Variants in TMEM108 observed in about 807,000 individuals in gnomAD.
TMEM108 encodes the protein cancer/testis antigen 124.
In TMEM108, 12 loss-of-function variants were observed where a neutral mutation model predicts 35.1. That is an observed-to-expected ratio of 0.34 (90% CI 0.22 to 0.55). The LOEUF is 0.55. TMEM108 is among the 20% of genes least tolerant of loss of function. The pLI is 0.89. For synonymous variants in TMEM108, 287 were observed against 308.6 expected (o/e 0.93, Z 0.73); for missense variants, 680 against 753.3 (o/e 0.90, Z 1.14).
chr3:133,252,431 A>C, intron 3 of TMEM108, among the ~76,000 whole-genome samples: 1 of 152,164 alleles, frequency 6.6e-6, no homozygotes, highest in East Asian at 1.9e-4. Context: ...AACTAGGAAA[A>C]CAATAGCATT....
intron 3 of TMEM108, among the ~76,000 whole-genome samples, chr3:133,366,936 T>TA (rs1484449231): frequency 6.6e-6 from 1 of 152,222 alleles, no homozygotes; most frequent in Non-Finnish European, 1.5e-5. Context: ...GGGACTCACA[T>TA]ACAGAGGAGT....
At position 133,338,322 on chromosome 3, in the gene TMEM108, A is replaced by G. The variant is rs149996605; in HGVS notation, c.41-41430A>G. 7.2e-5 allele frequency among the ~76,000 whole-genome samples: 11 copies of G among 152,314 alleles called. 1 individual carries two copies. The East Asian group carries it at 2.1e-3, about 29-fold the overall frequency. On this transcript the variant is annotated intron_variant, in intron 3 of 5. Transcript: ENST00000321871. ...ATGCTAAAAGCAGCAAGAGAAAAGA[A>G]CAACATAAAATGAAGGTACAGTACA...
chr3:133,204,741 T>C (rs1945725717), intron 2 of TMEM108, among the ~76,000 whole-genome samples: 1 of 152,224 alleles, frequency 6.6e-6, no homozygotes. Flanking sequence ...AATTTTAGAA[T>C]AAGTGTGATT....
chr3:133,053,169 G>A (rs572124756), intron 2 of TMEM108, among the ~76,000 whole-genome samples: 23 of 152,210 alleles, frequency 1.5e-4, no homozygotes, highest in African/African-American at 5.5e-4. Context: ...AAACCACAGG[G>A]GGTTGTCTGT....
intron 2 of TMEM108, among the ~76,000 whole-genome samples, chr3:133,196,795 G>A (rs1357991661): frequency 6.6e-6 from 1 of 152,184 alleles, no homozygotes; most frequent in African/African-American, 2.4e-5. Flanking sequence ...TTTTGTGATT[G>A]TAGGATGGCA....
intron 2 of TMEM108, among the ~76,000 whole-genome samples, chr3:133,157,824 C>G (rs1399143812): frequency 1.3e-5 from 2 of 152,212 alleles, no homozygotes; most frequent in Non-Finnish European, 2.9e-5. Context: ...GAATATAGCT[C>G]TCTCAGGGTG....
intron 3 of TMEM108, among the ~76,000 whole-genome samples, chr3:133,333,694 AAAAAG>A (rs2071432629): frequency 6.6e-6 from 1 of 152,244 alleles, no homozygotes; most frequent in Non-Finnish European, 1.5e-5. Context: ...ATTTTGTTCA[AAAAAG>A]AAAGTTTTAA....
chr3:133,095,933 C>T (rs1424490296), intron 2 of TMEM108, among the ~76,000 whole-genome samples: 1 of 152,224 alleles, frequency 6.6e-6, no homozygotes, highest in Non-Finnish European at 1.5e-5. Flanking sequence ...AAGTTGACAG[C>T]TGCCATCTCT....
chr3:133,200,415 A>G (rs1348826269), intron 2 of TMEM108, among the ~76,000 whole-genome samples: 2 of 152,224 alleles, frequency 1.3e-5, no homozygotes, highest in South Asian at 2.1e-4. Context: ...TTCTGAGCTC[A>G]CTACTTATGC....
chr3:133,064,107 G>A (rs930901771), intron 2 of TMEM108, among the ~76,000 whole-genome samples: 2 of 152,130 alleles, frequency 1.3e-5, no homozygotes, highest in Non-Finnish European at 2.9e-5. Context: ...TGAGGACAGA[G>A]CGTGTGTGAT....
intron 2 of TMEM108, among the ~76,000 whole-genome samples, chr3:133,194,594 C>G (rs1945550336): frequency 6.7e-6 from 1 of 149,276 alleles, no homozygotes; most frequent in Admixed American, 6.7e-5. Context: ...TTTTTCTGAT[C>G]AGCAGGGGAA....
At chr3:133,388,653 G>T in intron 4 of TMEM108, 1 of 985,374 alleles carries the variant, frequency 1.0e-6, no homozygotes, top group African/African-American at 1.7e-5. Context: ...TTTGATCAAA[G>T]CAGATAAGAT....
In TMEM108 at chr3:133,175,757, G is replaced by A. The variant is rs142751784; in HGVS notation, c.-46-53509G>A. Among the ~76,000 whole-genome samples the A allele has an allele frequency of 3.6e-3, 541 of 152,330 alleles. 5 individuals carry two copies. In the South Asian group the frequency reaches 0.046, roughly 13 times the overall value. ...AGACCATCAATGCTAGGAAGAAACT[G>A]CATCAACTAACGAGCAAAATAACCA... is the stretch of plus-strand genomic sequence containing the variant. On this transcript the variant is annotated intron_variant, in intron 2 of 5. Coordinates refer to ENST00000321871, the MANE Select transcript of TMEM108 (RefSeq NM_023943.4).
intron 3 of TMEM108, among the ~76,000 whole-genome samples, chr3:133,321,068 C>A (rs1019165867): frequency 6.6e-6 from 1 of 152,084 alleles, no homozygotes; most frequent in South Asian, 2.1e-4. Context: ...ATAGAATCTT[C>A]TTAAAGCATA....
rs766479594 is a variant in TMEM108 at position 133,390,374 on chromosome 3, C to T, written c.1605+40C>T. 75 of 1,609,070 alleles carry T rather than the reference C, an allele frequency of 4.7e-5. 1 individual carries two copies. In the South Asian group the frequency reaches 8.2e-4, roughly 18 times the overall value. ...AGTGCTGGCCCCACTGCAGGGAAAC[C>T]AGGTCCAAAGAGAGCCATGGGGCAT... On this transcript the variant is annotated intron_variant, in intron 5 of 5. Coordinates refer to ENST00000321871, the MANE Select transcript of TMEM108 (RefSeq NM_023943.4).
chr3:133,039,619 A>G (rs763577321), intron 1 of TMEM108, among the ~76,000 whole-genome samples: 10 of 152,140 alleles, frequency 6.6e-5, no homozygotes, highest in Admixed American at 1.3e-4. Context: ...AGTCCCTTCA[A>G]TTTTCCACGG....
intron 3 of TMEM108, among the ~76,000 whole-genome samples, chr3:133,264,645 T>C (rs1314974779): frequency 6.6e-6 from 1 of 152,196 alleles, no homozygotes; most frequent in African/African-American, 2.4e-5. Context: ...TCTAAGTGCA[T>C]GCACTGGCTT....
chr3:133,146,765 G>C (rs1393035709), intron 2 of TMEM108, among the ~76,000 whole-genome samples: 1 of 152,160 alleles, frequency 6.6e-6, no homozygotes, highest in Non-Finnish European at 1.5e-5. Context: ...GGTGTTTATA[G>C]TATTTTCTGA....
intron 2 of TMEM108, among the ~76,000 whole-genome samples, chr3:133,178,278 G>T (rs1348995698): frequency 6.6e-6 from 1 of 152,120 alleles, no homozygotes; most frequent in South Asian, 2.1e-4. Context: ...CCATCAAGCT[G>T]CCAATGACTG....
Sources: gnomAD v4.1 joint callset for allele counts (sites outside exome capture counted in the v4.1 genomes callset) on GRCh38, gnomAD v4.1.1 for gene constraint, MANE v1.5 for transcripts, NCBI Gene and HGNC (gene_info 2026-07-23, HGNC 2026-07-21) for gene names.